ANXA4: variants seen among roughly 807,000 people sequenced by gnomAD.
The protein encoded by ANXA4 is 35-beta calcimedin.
Under a neutral mutation model 49.8 loss-of-function variants are expected in ANXA4, and 39 were observed. The ratio of observed to expected loss-of-function variants is 0.78; its 90% confidence interval spans 0.61 to 1.02. The LOEUF (loss-of-function observed/expected upper bound fraction) is 1.02, where lower values mean the gene tolerates loss of function less well. Ranked by LOEUF, ANXA4 falls within the 50% of genes least tolerant of loss-of-function variation. ANXA4 has a pLI of 0.00. For missense variants in ANXA4, 360 were observed against 410.1 expected, an observed-to-expected ratio of 0.88 and a Z score of 1.05; for synonymous variants, 134 against 152.5, an observed-to-expected ratio of 0.88 and a Z score of 0.89.
intron 4 of ANXA4, among the ~76,000 whole-genome samples, chr2:69,805,894 G>A (rs181618598): frequency 7.9e-5 from 12 of 152,206 alleles, no homozygotes; most frequent in African/African-American, 2.4e-4. Context: ...AAAATAATAA[G>A]TATATTGTAT....
chr2:69,741,115 T>C (rs1024555174), upstream of ANXA4, among the ~76,000 whole-genome samples: 4 of 152,228 alleles, frequency 2.6e-5, no homozygotes, highest in Non-Finnish European at 1.5e-5. Flanking sequence ...TACATCTTAA[T>C]GAAATAATTT....
chr2:69,693,442 C>T (rs1443545893), intron 2 of ANXA4, among the ~76,000 whole-genome samples: 1 of 152,070 alleles, frequency 6.6e-6, no homozygotes, highest in African/African-American at 2.4e-5. Context: ...AGCATGTTTC[C>T]ATGCTAAGCT....
intron 2 of ANXA4, among the ~76,000 whole-genome samples, chr2:69,678,073 G>A (rs1464552054): frequency 6.6e-6 from 1 of 152,152 alleles, no homozygotes; most frequent in African/African-American, 2.4e-5. Context: ...AAAAAAATTT[G>A]TGTGACTCAC....
intron 2 of ANXA4, among the ~76,000 whole-genome samples, chr2:69,672,874 T>TC (rs1297533892): frequency 2.6e-5 from 4 of 152,008 alleles, no homozygotes; most frequent in Admixed American, 2.6e-4. Flanking sequence ...ATATTTTTTT[T>TC]CTCTATATAG....
intron 2 of ANXA4, among the ~76,000 whole-genome samples, chr2:69,714,152 C>G (rs968255730): frequency 6.6e-6 from 1 of 152,298 alleles, no homozygotes; most frequent in African/African-American, 2.4e-5. Context: ...CTGGGAGGCT[C>G]TTCTCCTTCA....
At chr2:69,786,864 G>A (rs1672439149) in intron 2 of ANXA4, among the ~76,000 whole-genome samples, 1 of 152,112 alleles carries the variant, frequency 6.6e-6, no homozygotes, top group East Asian at 1.9e-4. Flanking sequence ...TGGGACTACA[G>A]GCCTGTGCCA....
At chr2:69,686,513 C>T (rs779610645) in intron 2 of ANXA4, among the ~76,000 whole-genome samples, 2 of 152,168 alleles carry the variant, frequency 1.3e-5, no homozygotes, top group East Asian at 1.9e-4. Flanking sequence ...AGTACGGTGG[C>T]GTGATCTCAG....
rs149137270 is a variant in ANXA4, at chr2:69,660,262, A to G, written n.766+6980A>G. ...TTTGTGGTCAAGAAACACTTAAATT[A>G]AGAAGTTAACATAAAAATTGATTCT... On this transcript the variant is annotated intron_variant and non_coding_transcript_variant, in intron 2 of 3. Transcript: ENST00000418066. 1.3e-3 allele frequency among the ~76,000 whole-genome samples: 202 copies of G among 152,334 alleles called. 2 individuals are homozygous for G. The highest frequency in any genetic ancestry group is 4.7e-3 in the African/African-American group (194 of 41,580).
At chr2:69,661,985 G>A (rs1035025285) in intron 2 of ANXA4, among the ~76,000 whole-genome samples, 3 of 152,122 alleles carry the variant, frequency 2.0e-5, no homozygotes, top group African/African-American at 4.8e-5. Context: ...ATCTAAGGTT[G>A]CCTAAAAAAC....
At chr2:69,752,724 C>T (rs758196709) in intron 1 of ANXA4, among the ~76,000 whole-genome samples, 1 of 152,196 alleles carries the variant, frequency 6.6e-6, no homozygotes, top group African/African-American at 2.4e-5. Flanking sequence ...AGCACATACT[C>T]GGCCCTTGCT....
intron 2 of ANXA4, among the ~76,000 whole-genome samples, chr2:69,697,736 A>C (rs1678203234): frequency 6.6e-6 from 1 of 152,182 alleles, no homozygotes; most frequent in South Asian, 2.1e-4. Context: ...GTGTCTGAGC[A>C]GTGGAGCAGT....
intron 2 of ANXA4, among the ~76,000 whole-genome samples, chr2:69,708,805 C>G (rs1339656172): frequency 6.6e-6 from 1 of 151,758 alleles, no homozygotes; most frequent in African/African-American, 2.4e-5. Flanking sequence ...TCATTTGAGG[C>G]CAGGAGTTCG....
intron 1 of ANXA4, among the ~76,000 whole-genome samples, chr2:69,761,996 A>G (rs913168973): frequency 2.0e-5 from 3 of 152,242 alleles, no homozygotes; most frequent in African/African-American, 7.2e-5. Flanking sequence ...AAGATGCCAC[A>G]TGCTTGACAT....
chr2:69,671,621 G>A lies in ANXA4; in HGVS notation n.766+18339G>A, dbSNP rs117190393. On this transcript the variant is annotated intron_variant and non_coding_transcript_variant, in intron 2 of 3. Transcript: ENST00000418066. Reference sequence around the variant, plus strand: ...GCCTGTAATTTCAGCTACTCGGGGGGCTGAAACAGGAGAATTGCTTGAACT... The same window carrying A: ...GCCTGTAATTTCAGCTACTCGGGGGACTGAAACAGGAGAATTGCTTGAACT... Among the ~76,000 whole-genome samples, 16 of 152,326 alleles carry A rather than the reference G, an allele frequency of 1.1e-4. No homozygotes were observed. In the East Asian group the frequency reaches 3.1e-3, roughly 29 times the overall value.
At chr2:69,792,357 A>G (rs1050228564) in intron 3 of ANXA4, among the ~76,000 whole-genome samples, 3 of 152,242 alleles carry the variant, frequency 2.0e-5, no homozygotes, top group Non-Finnish European at 4.4e-5. Flanking sequence ...TTTGCTATTA[A>G]TGTTAAACTT....
intron 3 of ANXA4, among the ~76,000 whole-genome samples, chr2:69,788,762 C>T (rs1252941109): frequency 1.3e-4 from 19 of 150,268 alleles, no homozygotes; most frequent in Admixed American, 5.3e-4. Flanking sequence ...GGCGTGAACC[C>T]GGGAGGTGGA....
intron 1 of ANXA4, chr2:69,652,898 T>C (rs1676305315): frequency 6.6e-6 from 1 of 152,230 alleles, no homozygotes. Flanking sequence ...GTCTTTGTTA[T>C]ACTTGACATA....
chr2:69,679,480 T>G (rs1677523047), intron 2 of ANXA4, among the ~76,000 whole-genome samples: 1 of 152,236 alleles, frequency 6.6e-6, no homozygotes, highest in Non-Finnish European at 1.5e-5. Flanking sequence ...GATTGTTTCC[T>G]TTGCTGTGCA....
At chr2:69,800,981 G>A (rs1487920420) in intron 3 of ANXA4, among the ~76,000 whole-genome samples, 3 of 152,180 alleles carry the variant, frequency 2.0e-5, no homozygotes, top group African/African-American at 7.2e-5. Context: ...ATGAGCTGTG[G>A]CAGGCACTGG....
Sources: allele counts gnomAD v4.1 joint callset (sites outside exome capture counted in the v4.1 genomes callset), GRCh38; gene constraint gnomAD v4.1.1; transcripts MANE v1.5; gene names NCBI Gene and HGNC (gene_info 2026-07-23, HGNC 2026-07-21).